The following KCNH1 variants were observed in gnomAD, a reference collection of about 807,000 sequenced individuals.
KCNH1 encodes voltage-gated delayed rectifier potassium channel KCNH1.
Under a neutral mutation model 69.2 loss-of-function variants are expected in KCNH1, and 27 were observed. That is an observed-to-expected ratio of 0.39 (90% CI 0.29 to 0.54). The LOEUF (loss-of-function observed/expected upper bound fraction) is 0.54. Among genes scored for constraint, KCNH1 ranks in the 20% least tolerant of loss-of-function variants. KCNH1 has a pLI of 0.68. For synonymous variants in KCNH1, 456 were observed against 487.7 expected (o/e 0.93, Z 0.86); for missense variants, 798 against 1,261.6 (o/e 0.63, Z 5.57).
At chr1:211,016,745 C>T (rs913832987) in intron 6 of KCNH1, among the ~76,000 whole-genome samples, 2 of 151,508 alleles carry the variant, frequency 1.3e-5, no homozygotes, top group African/African-American at 4.9e-5. Flanking sequence ...CCCGTCTCTA[C>T]TAAAAATACA....
At chr1:210,831,872 G>A (rs1267395119) in intron 7 of KCNH1, among the ~76,000 whole-genome samples, 1 of 152,166 alleles carries the variant, frequency 6.6e-6, no homozygotes, top group African/African-American at 2.4e-5. Context: ...TGTGATGATT[G>A]AGATGTACTG....
intron 5 of KCNH1, among the ~76,000 whole-genome samples, chr1:211,062,921 C>T (rs113109421): frequency 2.0e-5 from 3 of 152,238 alleles, no homozygotes; most frequent in African/African-American, 7.2e-5. Flanking sequence ...AACTAAAAAT[C>T]GAGCTACCAT....
chr1:210,766,300 C>T (rs569528850), intron 10 of KCNH1, among the ~76,000 whole-genome samples: 5 of 152,118 alleles, frequency 3.3e-5, no homozygotes, highest in East Asian at 1.9e-4. Flanking sequence ...CTGAGGCAGG[C>T]GGATCACCTG....
At chr1:210,788,918 G>A (rs1166251568) in intron 9 of KCNH1, among the ~76,000 whole-genome samples, 2 of 148,396 alleles carry the variant, frequency 1.3e-5, no homozygotes, top group Non-Finnish European at 2.9e-5. Flanking sequence ...GGATGGTCTC[G>A]ATCTCCTGAC....
At chr1:210,860,931 A>G (rs1685964800) in intron 7 of KCNH1, 2 of 944,916 alleles carry the variant, frequency 2.1e-6, no homozygotes, top group Non-Finnish European at 3.5e-6. Context: ...CCATCTGATC[A>G]TTACAGATCT....
intron 7 of KCNH1, chr1:210,860,759 C>T (rs1685960252): frequency 1.3e-6 from 1 of 795,784 alleles, no homozygotes; most frequent in Non-Finnish European, 2.3e-6. Context: ...ATGTCTCTGT[C>T]ATCAATCAGA....
intron 7 of KCNH1, among the ~76,000 whole-genome samples, chr1:210,902,763 C>T (rs988796345): frequency 7.2e-5 from 11 of 152,226 alleles, no homozygotes; most frequent in Non-Finnish European, 1.5e-4. Context: ...TTTCTGGAAT[C>T]CCTCCAGTTC....
In KCNH1 at chr1:210,774,597, T is replaced by C. The variant is rs575834400; in HGVS notation, c.2112+751A>G. On this transcript the variant is annotated intron_variant, in intron 10 of 10. Coordinates refer to ENST00000271751, the MANE Select transcript of KCNH1 (RefSeq NM_172362.3). ...TCCTATGACAACCTTTCCATATGAT[T>C]TCTCCAGGTGCAGAGCTATCTTGTT... is the stretch of plus-strand genomic sequence containing the variant. Among the ~76,000 whole-genome samples, 8 of 152,272 alleles carry C rather than the reference T, an allele frequency of 5.3e-5. No homozygotes were observed. The South Asian group carries it at 1.7e-3, about 32-fold the overall frequency.
rs181228318 is a variant in KCNH1, at chr1:210,997,096, G to C, written c.1032+21687C>G. ...GCAGAAAAACTGGAAACTCTAAAAA[G>C]CAGAGTGCCTCTCCTCCTCGAAAGA... On this transcript the variant is annotated intron_variant, in intron 6 of 10. Transcript: ENST00000271751. Among the ~76,000 whole-genome samples, 51 of 152,302 alleles carry C rather than the reference G, an allele frequency of 3.3e-4. 1 individual carries two copies. Among genetic ancestry groups the C allele is most frequent in the African/African-American group, 1.2e-3 (51 of 41,572 alleles).
intron 6 of KCNH1, among the ~76,000 whole-genome samples, chr1:211,004,374 A>G (rs2102403155): frequency 6.6e-6 from 1 of 152,318 alleles, no homozygotes; most frequent in East Asian, 1.9e-4. Context: ...CATATAGTAT[A>G]TATATGCTTG....
At chr1:211,063,899 T>C (rs974476469) in intron 5 of KCNH1, among the ~76,000 whole-genome samples, 3 of 152,240 alleles carry the variant, frequency 2.0e-5, no homozygotes, top group Non-Finnish European at 4.4e-5. Context: ...ATTACCCTTA[T>C]CTGATCATTA....
At chr1:211,033,166 C>G (rs1689824317) in intron 5 of KCNH1, among the ~76,000 whole-genome samples, 1 of 152,198 alleles carries the variant, frequency 6.6e-6, no homozygotes, top group East Asian at 1.9e-4. Context: ...AAAAAATGCT[C>G]ATCATCACTG....
At chr1:210,730,862 G>A (rs1682732869) in intron 10 of KCNH1, among the ~76,000 whole-genome samples, 1 of 152,166 alleles carries the variant, frequency 6.6e-6, no homozygotes, top group African/African-American at 2.4e-5. Context: ...CAAACCAAGT[G>A]GATTTTCTGC....
chr1:211,117,933 T>A (rs1005102323), intron 1 of KCNH1, among the ~76,000 whole-genome samples: 2 of 152,108 alleles, frequency 1.3e-5, no homozygotes, highest in African/African-American at 4.8e-5. Context: ...CCATGAAATA[T>A]CACTTCTCTA....
At chr1:210,723,480 C>A (rs1246012715) in intron 10 of KCNH1, among the ~76,000 whole-genome samples, 1 of 152,094 alleles carries the variant, frequency 6.6e-6, no homozygotes, top group African/African-American at 2.4e-5. Context: ...AGGAAACTCT[C>A]CCCAAAGAAA....
intron 4 of KCNH1, 23 bp downstream of exon 4, chr1:211,090,539 T>G: frequency 1.3e-6 from 2 of 1,579,402 alleles, no homozygotes; most frequent in Non-Finnish European, 1.7e-6. Context: ...ATAAATGTAT[T>G]TGTACAAGTC....
At chr1:210,723,512 A>C (rs1682521899) in intron 10 of KCNH1, among the ~76,000 whole-genome samples, 1 of 152,242 alleles carries the variant, frequency 6.6e-6, no homozygotes, top group South Asian at 2.1e-4. Flanking sequence ...AACACTTTCC[A>C]AATGTTTCTT....
intron 7 of KCNH1, among the ~76,000 whole-genome samples, chr1:210,887,533 C>T (rs938909075): frequency 6.6e-6 from 1 of 152,014 alleles, no homozygotes; most frequent in African/African-American, 2.4e-5. Flanking sequence ...GGATCAAATT[C>T]ACACATAACC....
intron 10 of KCNH1, among the ~76,000 whole-genome samples, chr1:210,725,194 A>G (rs1682557721): frequency 6.6e-6 from 1 of 152,156 alleles, no homozygotes; most frequent in South Asian, 2.1e-4. Flanking sequence ...TGGCATCCCA[A>G]TGCCCATAGC....
Sources: gnomAD v4.1 joint callset for allele counts (sites outside exome capture counted in the v4.1 genomes callset) on GRCh38, gnomAD v4.1.1 for gene constraint, MANE v1.5 for transcripts, NCBI Gene and HGNC (gene_info 2026-07-23, HGNC 2026-07-21) for gene names.